DST: variants seen among roughly 807,000 people sequenced by gnomAD.
DST encodes the protein bullous pemphigoid antigen.
In DST, 253 loss-of-function variants were observed where a neutral mutation model predicts 875.2. The ratio of observed to expected loss-of-function variants is 0.29; its 90% CI spans 0.26 to 0.32. DST has a LOEUF of 0.32. Ranked by LOEUF, DST falls within the 10% of genes least tolerant of loss-of-function variation. The pLI is 1.00. For missense variants in DST, 8,287 were observed against 9,111.6 expected, an observed-to-expected ratio of 0.91 and a Z score of 3.68; for synonymous variants, 3,124 against 3,197.1, an observed-to-expected ratio of 0.98 and a Z score of 0.77.
rs1169591975 is a variant in DST at position 56,608,146 on chromosome 6, C to A, written c.6482G>T (p.Arg2161Ile). Residue 2161 changes from arginine to isoleucine, a missense_variant, in exon 40 of 104, where the codon AGA becomes ATA. This residue lies in a region of DST where 3,138 missense variants were observed against 3,116.6 expected (regional missense o/e 1.01). Coordinates refer to ENST00000680361, the MANE Select transcript of DST (RefSeq NM_001374736.1). ...TTGAAATTTACAAAAAGAGAGCCATCTTCTGGCATTTTTACAAGCTTCTAA... is the reference window on the plus strand; with the variant it reads ...TTGAAATTTACAAAAAGAGAGCCATATTCTGGCATTTTTACAAGCTTCTAA... Reference protein sequence around the residue: ...GDLEACKNARRWLSFCKFQPS... With the variant: ...GDLEACKNARIWLSFCKFQPS... 2 of 1,613,608 alleles carry A rather than the reference C, an allele frequency of 1.2e-6. No individual in the cohort carries two copies. Among genetic ancestry groups the A allele is most frequent in the Non-Finnish European group, 1.7e-6 (2 of 1,179,760 alleles).
At position 56,526,432 on chromosome 6, in the gene DST, A is replaced by T. The variant is rs1334668109; in HGVS notation, c.18058T>A (p.Tyr6020Asn). ...GTGATGGTGTCGCTCACTAATCGGT[A>T]GCGCTCATTGTCCTCAGCTACCATT... ...EKMVAEDNER[Y>N]RLVSDTITQK... Residue 6020 changes from tyrosine to asparagine, a missense_variant, in exon 69 of 104, where the codon TAC becomes AAC. This residue lies in a region of DST where 777 missense variants were observed against 764.8 expected (regional missense o/e 1.02). Coordinates refer to ENST00000680361, the MANE Select transcript of DST (RefSeq NM_001374736.1). 1 of 1,613,822 alleles carries T rather than the reference A, an allele frequency of 6.2e-7. No homozygotes were observed. Among genetic ancestry groups the T allele is most frequent in the Admixed American group, 1.7e-5 (1 of 59,974 alleles).
intron 36 of DST, chr6:56,616,440 C>A: frequency 6.2e-7 from 1 of 1,614,086 alleles, no homozygotes; most frequent in Non-Finnish European, 8.5e-7. Flanking sequence ...GTTTTAGTAT[C>A]TACTACAGAA....
At chr6:56,897,159 T>TCAA (rs1443523729) in intron 3 of DST, among the ~76,000 whole-genome samples, 2 of 152,184 alleles carry the variant, frequency 1.3e-5, no homozygotes, top group Non-Finnish European at 2.9e-5. Context: ...GAGATGAGGA[T>TCAA]CGGTTTCATT....
chr6:56,645,300 C>T (rs2098935887), intron 15 of DST, among the ~76,000 whole-genome samples: 5 of 152,066 alleles, frequency 3.3e-5, no homozygotes, highest in Admixed American at 3.3e-4. Context: ...CTAAATGGTA[C>T]CTTCCTGGGC....
intron 49 of DST, among the ~76,000 whole-genome samples, chr6:56,589,028 T>C (rs1266942585): frequency 6.6e-6 from 1 of 152,228 alleles, no homozygotes; most frequent in African/African-American, 2.4e-5. Context: ...ATTTAGGAGA[T>C]GAAGTAAGTG....
At chr6:56,475,607 G>C (rs976452528) in intron 92 of DST, among the ~76,000 whole-genome samples, 3 of 152,214 alleles carry the variant, frequency 2.0e-5, no homozygotes, top group Admixed American at 2.0e-4. Flanking sequence ...TCCTAAGAAA[G>C]ACAACACGTT....
rs2099395604 is a variant in DST at position 56,716,651 on chromosome 6, G to A, written c.688-12282C>T. Reference sequence around the variant, plus strand: ...AAATTACTTGAGTAAGAAAATTATGGTAGTGAAAGAGATCAGATCTAACCA... The same window carrying A: ...AAATTACTTGAGTAAGAAAATTATGATAGTGAAAGAGATCAGATCTAACCA... On this transcript the variant is annotated intron_variant, in intron 5 of 103. Transcript: ENST00000680361. Among the ~76,000 whole-genome samples the A allele has an allele frequency of 3.3e-5, 5 of 152,136 alleles. No individual in the cohort carries two copies. In the South Asian group the frequency reaches 8.3e-4, roughly 25 times the overall value.
intron 3 of DST, among the ~76,000 whole-genome samples, chr6:56,863,654 G>A (rs1174000493): frequency 1.3e-5 from 2 of 152,066 alleles, no homozygotes; most frequent in Non-Finnish European, 2.9e-5. Flanking sequence ...TTTCTCAACC[G>A]GGGATTTCCA....
chr6:56,587,169 T>A (rs1367527199), intron 49 of DST, among the ~76,000 whole-genome samples: 1 of 151,806 alleles, frequency 6.6e-6, no homozygotes, highest in African/African-American at 2.4e-5. Context: ...TTGAAAAAAA[T>A]TTAGACGAAT....
chr6:56,479,147 C>T lies in DST; in HGVS notation c.21532-1659G>A, dbSNP rs1052948180. Among the ~76,000 whole-genome samples the T allele has an allele frequency of 3.9e-5, 6 of 152,168 alleles. No homozygotes were observed. The East Asian group carries it at 1.2e-3, about 29-fold the overall frequency. ...CATTTCTCAAAAGAAGAAATACAAG[C>T]ATACAAGCAGCCAACAAACACATGA... On this transcript the variant is annotated intron_variant, in intron 90 of 103. Transcript: ENST00000680361.
intron 7 of DST, among the ~76,000 whole-genome samples, chr6:56,702,541 A>T (rs1209923641): frequency 6.6e-6 from 1 of 152,132 alleles, no homozygotes; most frequent in Non-Finnish European, 1.5e-5. Flanking sequence ...TTAAAACCAT[A>T]TATTTCCTCT....
intron 13 of DST, among the ~76,000 whole-genome samples, chr6:56,647,634 A>G (rs1010341881): frequency 6.6e-6 from 1 of 152,006 alleles, no homozygotes; most frequent in African/African-American, 2.4e-5. Context: ...AAATATACAA[A>G]TGAGACAACT....
chr6:56,815,032 C>T lies in DST; in HGVS notation c.625+36365G>A, dbSNP rs148659732. 3.4e-3 allele frequency among the ~76,000 whole-genome samples: 510 copies of T among 152,222 alleles called. 4 individuals carry two copies. Among genetic ancestry groups the T allele is most frequent in the African/African-American group, 0.012 (495 of 41,534 alleles). ...AGGTTAGAATCACCGCTCTGCCACTCGCTATAATCCCGGTGTGGCCGTGGG... is the reference window on the plus strand; with the variant it reads ...AGGTTAGAATCACCGCTCTGCCACTTGCTATAATCCCGGTGTGGCCGTGGG... On this transcript the variant is annotated intron_variant, in intron 4 of 103. Coordinates refer to ENST00000680361, the MANE Select transcript of DST (RefSeq NM_001374736.1).
At chr6:56,670,533 T>C in intron 10 of DST, 108 bp downstream of exon 10, 1 of 873,356 alleles carries the variant, frequency 1.1e-6, no homozygotes, top group South Asian at 2.6e-5. Flanking sequence ...ATTTTCTAAT[T>C]TTTTGCCATG....
chr6:56,569,984 G>C lies in DST; in HGVS notation c.13750C>G (p.Gln4584Glu). The change falls in exon 54 of 104, where the codon CAG (glutamine) becomes GAG (glutamate). Residue 4584 changes from glutamine (Q) to glutamate (E), a missense_variant. By Grantham distance (29) the Gln-to-Glu change is conservative. Coordinates refer to ENST00000680361, the MANE Select transcript of DST (RefSeq NM_001374736.1). ...ACAAGAACTTGGAAAGCATCCAACT[G>C]TTCTTGACAAGAAGTTACAGCTTCT... ...KKEAVTSCQE[Q>E]LDAFQVLVKS... 6.3e-7 allele frequency: 1 copy of C among 1,595,686 alleles called. No homozygotes were observed. The highest frequency in any genetic ancestry group is 1.2e-5 in the South Asian group (1 of 85,792).
At chr6:56,790,459 A>G (rs1336392524) in intron 4 of DST, among the ~76,000 whole-genome samples, 2 of 152,212 alleles carry the variant, frequency 1.3e-5, no homozygotes, top group Non-Finnish European at 1.5e-5. Flanking sequence ...TCAGTCACTA[A>G]CACCTACCCC....
At chr6:56,907,872 C>T (rs796845299) in intron 2 of DST, among the ~76,000 whole-genome samples, 5 of 152,208 alleles carry the variant, frequency 3.3e-5, no homozygotes, top group African/African-American at 1.2e-4. Context: ...CTGAGCATTG[C>T]TATAGAATTA....
At chr6:56,913,678 T>A (rs1799687055) in intron 2 of DST, among the ~76,000 whole-genome samples, 1 of 152,250 alleles carries the variant, frequency 6.6e-6, no homozygotes, top group African/African-American at 2.4e-5. Context: ...TAACACAGAC[T>A]GAAAAATAAT....
intron 49 of DST, among the ~76,000 whole-genome samples, 193 bp downstream of exon 49, chr6:56,591,981 CAAAAAAAA>C: frequency 1.6e-5 from 1 of 63,946 alleles, no homozygotes; most frequent in East Asian, 5.6e-4. Flanking sequence ...GACTCCATCT[CAAAAAAAA>C]AAAAAAAAAA....
Sources: gnomAD v4.1 joint callset for allele counts (sites outside exome capture counted in the v4.1 genomes callset) on GRCh38, gnomAD v4.1.1 for gene constraint, gnomAD v4.1.1 regional missense constraint, MANE v1.5 for transcripts, NCBI Gene and HGNC (gene_info 2026-07-23, HGNC 2026-07-21) for gene names.